MYT1: variants seen among roughly 807,000 people sequenced by gnomAD.
MYT1 encodes the protein myelin transcription factor I.
In MYT1, 23 loss-of-function variants were observed where a neutral mutation model predicts 123.0. That is an observed-to-expected ratio of 0.19 (90% confidence interval 0.13 to 0.26). The LOEUF (loss-of-function observed/expected upper bound fraction) is 0.26. Ranked by LOEUF, MYT1 falls within the 10% of genes least tolerant of loss-of-function variation. MYT1 has a pLI of 1.00. For missense variants in MYT1, 1,125 were observed against 1,472.5 expected (o/e 0.76, Z 3.86); for synonymous variants, 518 against 575.3 (o/e 0.90, Z 1.43).
chr20:64,226,049 G>T (rs1049230799), intron 16 of MYT1, among the ~76,000 whole-genome samples: 1 of 152,180 alleles, frequency 6.6e-6, no homozygotes, highest in Non-Finnish European at 1.5e-5. Context: ...CTTGCCCACC[G>T]CACTGAACCT....
intron 10 of MYT1, 30 bp from the exon 11 acceptor site, chr20:64,217,037 C>A: frequency 6.3e-7 from 1 of 1,591,390 alleles, no homozygotes; most frequent in Non-Finnish European, 8.6e-7. Context: ...TCCCATCTCA[C>A]TGGCTGTGCA....
chr20:64,188,952 C>T (rs971098047), intron 1 of MYT1, among the ~76,000 whole-genome samples: 2 of 152,170 alleles, frequency 1.3e-5, no homozygotes, highest in East Asian at 1.9e-4. Context: ...CTGTAGACCT[C>T]GTATTAGGCT....
intron 8 of MYT1, 146 bp from the exon 9 acceptor site, chr20:64,211,902 T>A: frequency 1.5e-6 from 1 of 682,508 alleles, no homozygotes; most frequent in Non-Finnish European, 2.6e-6. Context: ...GGAGCTGCCC[T>A]GCGTTGCTGT....
At chr20:64,181,130 A>T (rs189767094) in intron 1 of MYT1, among the ~76,000 whole-genome samples, 3 of 152,056 alleles carry the variant, frequency 2.0e-5, no homozygotes, top group Admixed American at 2.0e-4. Context: ...ACTTTTTCCC[A>T]CTTCAAAAGC....
At chr20:64,177,683 C>CAGGGTGGGGACAAGA (rs1352886839) in intron 1 of MYT1, among the ~76,000 whole-genome samples, 3 of 151,962 alleles carry the variant, frequency 2.0e-5, no homozygotes, top group South Asian at 2.1e-4. Context: ...TACCCCTCTC[C>CAGGGTGGGGACAAGA]GGAGCTAGTG....
intron 16 of MYT1, among the ~76,000 whole-genome samples, chr20:64,224,972 G>A (rs1380493138): frequency 6.6e-6 from 1 of 152,176 alleles, no homozygotes; most frequent in Non-Finnish European, 1.5e-5. Context: ...AAGACTAAGA[G>A]CCTGTGAAGA....
chr20:64,217,466 T>C (rs959611103), intron 11 of MYT1, among the ~76,000 whole-genome samples, 185 bp downstream of exon 11: 2 of 152,214 alleles, frequency 1.3e-5, no homozygotes, highest in African/African-American at 4.8e-5. Context: ...GTGGCTTTCT[T>C]GGGGCCTGCA....
chr20:64,165,978 C>T (rs1982067652), intron 1 of MYT1, among the ~76,000 whole-genome samples: 1 of 152,110 alleles, frequency 6.6e-6, no homozygotes, highest in Admixed American at 6.5e-5. Flanking sequence ...CTCTGAGGTG[C>T]CAGCAGAGCC....
chr20:64,172,439 C>G (rs1984126), intron 1 of MYT1, among the ~76,000 whole-genome samples: 6,079 of 152,296 alleles, frequency 0.04, 203 homozygotes, highest in South Asian at 0.18. Flanking sequence ...GATGAGCCAG[C>G]GTGTGGGCTC....
At chr20:64,171,191 T>A (rs1194524162) in intron 1 of MYT1, among the ~76,000 whole-genome samples, 1 of 152,090 alleles carries the variant, frequency 6.6e-6, no homozygotes, top group African/African-American at 2.4e-5. Flanking sequence ...AGTGCTGGTA[T>A]TACAGGTGTG....
intron 2 of MYT1, among the ~76,000 whole-genome samples, chr20:64,197,266 G>C (rs894129584): frequency 6.6e-6 from 1 of 152,222 alleles, no homozygotes; most frequent in Non-Finnish European, 1.5e-5. Context: ...TAGTGCTGCT[G>C]CATGGGGGAG....
chr20:64,198,520 C>T (rs1250948668), intron 2 of MYT1, among the ~76,000 whole-genome samples: 5 of 152,148 alleles, frequency 3.3e-5, no homozygotes, highest in Admixed American at 6.5e-5. Flanking sequence ...GGATAACATA[C>T]GGACATTCAT....
intron 20 of MYT1, 93 bp from the exon 21 acceptor site, chr20:64,237,194 G>A: frequency 1.1e-6 from 1 of 946,458 alleles, no homozygotes; most frequent in Non-Finnish European, 1.6e-6. Context: ...CTGCACAGGG[G>A]GTTTCAGTTC....
chr20:64,173,713 A>G (rs1299082155), intron 1 of MYT1, among the ~76,000 whole-genome samples: 1 of 92,608 alleles, frequency 1.1e-5, no homozygotes, highest in African/African-American at 4.5e-5. Flanking sequence ...AGTTGTGTCC[A>G]TTTCCCCTCC....
rs1982069098 is a variant in MYT1, at chr20:64,166,016, G to A, written c.-99+1277G>A. ...TCCTGGCCTCACTCTGGCCTGGGGA[G>A]TGGGGGTGCTGTATCCTCTACAGGG... On this transcript the variant is annotated intron_variant, in intron 1 of 22. Transcript: ENST00000328439. The surrounding 1 kb of genome is among the most constrained non-coding windows in gnomAD (Gnocchi z 4.9). Among the ~76,000 whole-genome samples, 1 of 152,176 alleles carries A rather than the reference G, an allele frequency of 6.6e-6. No homozygotes were observed. Among genetic ancestry groups the A allele is most frequent in the African/African-American group, 2.4e-5 (1 of 41,430 alleles).
chr20:64,199,582 C>T (rs1232546696), intron 3 of MYT1, among the ~76,000 whole-genome samples: 2 of 152,202 alleles, frequency 1.3e-5, no homozygotes, highest in African/African-American at 2.4e-5. Context: ...ATCCCTGGCC[C>T]TGAGGTCCCA....
intron 19 of MYT1, among the ~76,000 whole-genome samples, chr20:64,236,050 G>A (rs1984526716): frequency 3.0e-5 from 3 of 99,078 alleles, no homozygotes; most frequent in Admixed American, 2.6e-4. Context: ...TGGGATGGTC[G>A]CGGTGGGTGA....
intron 8 of MYT1, 53 bp from the exon 9 acceptor site, chr20:64,211,995 C>T (rs1601715538): frequency 2.0e-6 from 3 of 1,486,338 alleles, no homozygotes; most frequent in East Asian, 4.6e-5. Flanking sequence ...ACAGCTGGCG[C>T]TCCCCAGATT....
Position 64,203,166 on chromosome 20 carries a change from G to A in MYT1, c.87-1869G>A, listed in dbSNP as rs1162694345. ...CACCCTCTGAGGCTGGGGCCGGAAG[G>A]TGCAGGCCCACCTTCCTGGGGACCA... On this transcript the variant is annotated intron_variant, in intron 4 of 22. Coordinates refer to ENST00000328439, the MANE Select transcript of MYT1 (RefSeq NM_004535.3). The surrounding 1 kb of genome is among the most constrained non-coding windows in gnomAD (Gnocchi z 5.1). Among the ~76,000 whole-genome samples the A allele has an allele frequency of 6.6e-6, 1 of 152,198 alleles. No homozygotes were observed. Among genetic ancestry groups the A allele is most frequent in the Non-Finnish European group, 1.5e-5 (1 of 68,028 alleles).
Sources: gnomAD v4.1 joint callset for allele counts (sites outside exome capture counted in the v4.1 genomes callset) on GRCh38, gnomAD v4.1.1 for gene constraint, Gnocchi (gnomAD v3.1) non-coding constraint, MANE v1.5 for transcripts, NCBI Gene and HGNC (gene_info 2026-07-23, HGNC 2026-07-21) for gene names.